SORCS2: variants seen among roughly 807,000 people sequenced by gnomAD.
SORCS2 encodes VPS10 domain-containing receptor SorCS2.
In SORCS2, 100 loss-of-function variants were observed where a neutral mutation model predicts 141.6. The observed-to-expected ratio is 0.71, with a 90% CI of 0.60 to 0.83. The LOEUF is 0.83. SORCS2 is among the 40% of genes least tolerant of loss of function. The pLI is 0.00. For synonymous variants in SORCS2, 789 were observed against 676.9 expected, an observed-to-expected ratio of 1.17 and a Z score of -2.57; for missense variants, 1,646 against 1,560.2, an observed-to-expected ratio of 1.05 and a Z score of -0.93.
intron 3 of SORCS2, among the ~76,000 whole-genome samples, chr4:7,622,296 C>A (rs931215042): frequency 9.9e-5 from 15 of 152,212 alleles, no homozygotes; most frequent in African/African-American, 3.6e-4. Flanking sequence ...GGTCTCGCCA[C>A]TGTATGTGCA....
At chr4:7,217,845 T>C (rs1439885119) in intron 1 of SORCS2, among the ~76,000 whole-genome samples, 8 of 152,122 alleles carry the variant, frequency 5.3e-5, no homozygotes, top group East Asian at 3.9e-4. Context: ...GCTGGGCTCA[T>C]AGGGGCAAGG....
intron 3 of SORCS2, among the ~76,000 whole-genome samples, chr4:7,599,440 T>C (rs1243145399): frequency 6.6e-6 from 1 of 151,994 alleles, no homozygotes; most frequent in Non-Finnish European, 1.5e-5. Flanking sequence ...GGGAGACAGG[T>C]TTAGGAGGTG....
At chr4:7,301,357 AC>A (rs1366841167) in intron 1 of SORCS2, among the ~76,000 whole-genome samples, 1 of 152,148 alleles carries the variant, frequency 6.6e-6, no homozygotes, top group African/African-American at 2.4e-5. Context: ...GCTGAAGCCC[AC>A]CCACCCTCAG....
chr4:7,426,039 G>A (rs1160221886), intron 2 of SORCS2, among the ~76,000 whole-genome samples: 1 of 152,294 alleles, frequency 6.6e-6, no homozygotes, highest in Non-Finnish European at 1.5e-5. Context: ...CTTCTGCCCC[G>A]GGATGCTGGA....
chr4:7,254,392 ATTATC>A (rs1180742914), intron 1 of SORCS2, among the ~76,000 whole-genome samples: 2 of 152,186 alleles, frequency 1.3e-5, no homozygotes, highest in African/African-American at 4.8e-5. Flanking sequence ...GCTGGAAATC[ATTATC>A]TTAAGTGAAA....
intron 3 of SORCS2, among the ~76,000 whole-genome samples, chr4:7,630,556 A>G (rs946083149): frequency 2.0e-5 from 3 of 152,200 alleles, no homozygotes; most frequent in African/African-American, 7.2e-5. Flanking sequence ...TCACCCAGAC[A>G]TGACCATCAC....
At chr4:7,297,170 T>A (rs574661212) in intron 1 of SORCS2, among the ~76,000 whole-genome samples, 1 of 152,266 alleles carries the variant, frequency 6.6e-6, no homozygotes, top group East Asian at 1.9e-4. Context: ...GGGGCTGGGA[T>A]TCCTCAGTAT....
chr4:7,370,840 G>A (rs550687863), intron 1 of SORCS2, among the ~76,000 whole-genome samples: 3 of 152,260 alleles, frequency 2.0e-5, no homozygotes, highest in African/African-American at 7.2e-5. Context: ...CATGCTTACC[G>A]GCTTTTGCTT....
At chr4:7,478,948 C>T (rs967695343) in intron 2 of SORCS2, among the ~76,000 whole-genome samples, 17 of 152,218 alleles carry the variant, frequency 1.1e-4, no homozygotes, top group Non-Finnish European at 7.3e-5. Flanking sequence ...TCCTGACGGG[C>T]TCTCCTGATA....
At chr4:7,724,998 AGTGGTGATGGTGGTGGTGGTGGTG>A (rs1560115215) in intron 19 of SORCS2, among the ~76,000 whole-genome samples, 132 bp from the exon 20 acceptor site, 1 of 118,264 alleles carries the variant, frequency 8.5e-6, no homozygotes, top group African/African-American at 3.8e-5. Context: ...TGGTGGTAGT[AGTGGTGATGGTGGTGGTGGTGGTG>A]GTGGTGATGA....
chr4:7,454,446 G>C (rs912090129), intron 2 of SORCS2, among the ~76,000 whole-genome samples: 3 of 142,160 alleles, frequency 2.1e-5, no homozygotes, highest in Non-Finnish European at 3.1e-5. Context: ...GTCAGGCTCC[G>C]TGTTAGTGTA....
At chr4:7,450,429 T>A (rs1436292543) in intron 2 of SORCS2, among the ~76,000 whole-genome samples, 2 of 152,148 alleles carry the variant, frequency 1.3e-5, no homozygotes, top group African/African-American at 4.8e-5. Flanking sequence ...CACGGTTGAG[T>A]GTCAGGCGAG....
rs577232671 is a variant in SORCS2 at position 7,239,431 on chromosome 4, C to T, written c.480+46305C>T. 5.9e-5 allele frequency among the ~76,000 whole-genome samples: 9 copies of T among 152,362 alleles called. No homozygotes were observed. The East Asian group carries it at 9.6e-4, about 16-fold the overall frequency. On this transcript the variant is annotated intron_variant, in intron 1 of 26. Coordinates refer to ENST00000507866, the MANE Select transcript of SORCS2 (RefSeq NM_020777.3). ...CAGTGGCTCCAATAACCACGCTCAGCGGCCCTCCTCTTCCTCTCTCTCTTG... is the reference window on the plus strand; with the variant it reads ...CAGTGGCTCCAATAACCACGCTCAGTGGCCCTCCTCTTCCTCTCTCTCTTG...
At chr4:7,301,012 C>G (rs1717393480) in intron 1 of SORCS2, among the ~76,000 whole-genome samples, 1 of 152,164 alleles carries the variant, frequency 6.6e-6, no homozygotes, top group Admixed American at 6.5e-5. Flanking sequence ...CTGTGAGGTG[C>G]TCAGTCTAAG....
At chr4:7,732,861 AAGG>A (rs1410854175) in intron 23 of SORCS2, among the ~76,000 whole-genome samples, 2 of 151,984 alleles carry the variant, frequency 1.3e-5, no homozygotes, top group Non-Finnish European at 2.9e-5. Flanking sequence ...CCGTGGTACA[AAGG>A]AGGACACCGA....
intron 2 of SORCS2, chr4:7,433,839 C>G: frequency 6.2e-7 from 1 of 1,613,842 alleles, no homozygotes; most frequent in East Asian, 2.2e-5. Context: ...CAAGCTGCAC[C>G]AAGGAGGGGC....
chr4:7,723,311 C>T (rs893026651), intron 18 of SORCS2, among the ~76,000 whole-genome samples: 2 of 152,156 alleles, frequency 1.3e-5, no homozygotes, highest in Non-Finnish European at 2.9e-5. Context: ...AAACCCTCCT[C>T]GCAGTGGGAG....
rs137857341 is a variant in SORCS2 at position 7,539,042 on chromosome 4, A to G, written c.648+7413A>G. 1.2e-3 allele frequency among the ~76,000 whole-genome samples: 187 copies of G among 152,284 alleles called. 8 individuals carry two copies. In the East Asian group the frequency reaches 0.035, roughly 28 times the overall value. The stretch of plus-strand genomic sequence containing the variant: ...GCCATTGCACAGGTGAAAGAAATTG[A>G]GGCCCAGAGAGGCCAAGTTGTTTCC... On this transcript the variant is annotated intron_variant, in intron 3 of 26. Coordinates refer to ENST00000507866, the MANE Select transcript of SORCS2 (RefSeq NM_020777.3).
At chr4:7,223,930 T>G (rs990919506) in intron 1 of SORCS2, among the ~76,000 whole-genome samples, 2 of 152,252 alleles carry the variant, frequency 1.3e-5, no homozygotes, top group African/African-American at 2.4e-5. Context: ...TCTCGTCTGT[T>G]CAGAGGGATG....
Sources: allele counts gnomAD v4.1 joint callset (sites outside exome capture counted in the v4.1 genomes callset), GRCh38; gene constraint gnomAD v4.1.1; transcripts MANE v1.5; gene names NCBI Gene and HGNC (gene_info 2026-07-23, HGNC 2026-07-21).